PDZD2: variants seen among roughly 807,000 people sequenced by gnomAD.
The protein encoded by PDZD2 is PDZ domain-containing protein 2.
PDZD2 carries 90 observed loss-of-function variants against 220.7 expected under a neutral mutation model. The observed-to-expected ratio is 0.41, with a 90% CI of 0.34 to 0.49. PDZD2 has a LOEUF of 0.49. Ranked by LOEUF, PDZD2 falls within the 20% of genes least tolerant of loss-of-function variation. The pLI, the probability that PDZD2 is intolerant of heterozygous loss-of-function variation, is 0.28. For missense variants in PDZD2, 3,174 were observed against 3,608.5 expected, an observed-to-expected ratio of 0.88 and a Z score of 3.08; for synonymous variants, 1,375 against 1,450.5, an observed-to-expected ratio of 0.95 and a Z score of 1.18.
intron 18 of PDZD2, among the ~76,000 whole-genome samples, chr5:32,075,092 G>T (rs376094221): frequency 5.3e-5 from 8 of 152,160 alleles, no homozygotes; most frequent in African/African-American, 1.7e-4. Flanking sequence ...GATTACAAGC[G>T]TGAGCCACCG....
chr5:31,772,478 G>A lies in PDZD2; in HGVS notation c.-360-26411G>A, dbSNP rs146409723. ...GTGTGCTCTCGCCATTGCCCCATCC[G>A]CGAGTTGCACCCTTCTGTGGAAGTA... On this transcript the variant is annotated intron_variant, in intron 1 of 24. Coordinates refer to ENST00000438447, the MANE Select transcript of PDZD2 (RefSeq NM_178140.4). Among the ~76,000 whole-genome samples, 42 of 152,274 alleles carry A rather than the reference G, an allele frequency of 2.8e-4. No homozygotes were observed. In the East Asian group the frequency reaches 6.8e-3, roughly 25 times the overall value.
intron 6 of PDZD2, among the ~76,000 whole-genome samples, chr5:32,034,023 G>T (rs1167435250): frequency 3.9e-5 from 6 of 152,168 alleles, no homozygotes; most frequent in Non-Finnish European, 1.5e-5. Context: ...AAACCTTTCA[G>T]GCAGGCTCCT....
At chr5:31,936,110 G>A (rs977146463) in intron 2 of PDZD2, 1 of 987,750 alleles carries the variant, frequency 1.0e-6, no homozygotes, top group Non-Finnish European at 1.2e-6. Flanking sequence ...AGCTCAGGAG[G>A]TGAAGCCGGG....
intron 1 of PDZD2, among the ~76,000 whole-genome samples, chr5:31,735,554 T>C (rs945426742): frequency 8.6e-5 from 13 of 152,004 alleles, no homozygotes; most frequent in African/African-American, 2.9e-4. Flanking sequence ...ATCCCAGCAC[T>C]TTGGGAGGCC....
chr5:31,704,721 T>A (rs917972858), intron 1 of PDZD2, among the ~76,000 whole-genome samples: 2 of 152,184 alleles, frequency 1.3e-5, no homozygotes, highest in Non-Finnish European at 2.9e-5. Flanking sequence ...CAAATTCCCT[T>A]TTACATGCAG....
intron 1 of PDZD2, among the ~76,000 whole-genome samples, chr5:31,666,117 T>A (rs918332599): frequency 2.0e-5 from 3 of 152,138 alleles, no homozygotes; most frequent in African/African-American, 7.2e-5. Context: ...GAATAAATGG[T>A]ACAAATTTTC....
intron 6 of PDZD2, among the ~76,000 whole-genome samples, chr5:32,033,404 C>T (rs1360579683): frequency 1.3e-5 from 2 of 152,200 alleles, no homozygotes; most frequent in Non-Finnish European, 2.9e-5. Context: ...TCTAATATCA[C>T]AACAAACTCA....
At chr5:31,872,526 A>C (rs969645271) in intron 2 of PDZD2, among the ~76,000 whole-genome samples, 2 of 132,596 alleles carry the variant, frequency 1.5e-5, no homozygotes, top group Non-Finnish European at 3.6e-5. Flanking sequence ...CTTTCCTTGA[A>C]AACAAACACA....
rs574045050 is a variant in PDZD2 at position 31,870,269 on chromosome 5, T to G, written c.476+70545T>G. Among the ~76,000 whole-genome samples the G allele has an allele frequency of 4.9e-4, 74 of 152,254 alleles. No individual in the cohort carries two copies. The South Asian group carries it at 0.015, about 32-fold the overall frequency. On this transcript the variant is annotated intron_variant, in intron 2 of 24. Coordinates refer to ENST00000438447, the MANE Select transcript of PDZD2 (RefSeq NM_178140.4). ...TTACCACATATGCCCACATATAAGG[T>G]GTAGAGTCCACCCCGGCCCCTGCAA...
chr5:31,655,617 A>G (rs1308579321), intron 1 of PDZD2, among the ~76,000 whole-genome samples: 2 of 152,082 alleles, frequency 1.3e-5, no homozygotes, highest in Non-Finnish European at 2.9e-5. Flanking sequence ...CAACACTTAG[A>G]ACAATACTTG....
At position 32,072,243 on chromosome 5, in the gene PDZD2, G is replaced by C; in HGVS notation, c.2651G>C (p.Gly884Ala). The change falls in exon 17 of 25, where the codon GGT (glycine) becomes GCT (alanine). Residue 884 changes from glycine to alanine, a missense_variant. Gly to Ala is a moderately conservative substitution (Grantham distance 60). Coordinates refer to ENST00000438447, the MANE Select transcript of PDZD2 (RefSeq NM_178140.4). Reference protein sequence around the residue: ...PGPLSDFMVAGSEDEDHPGSG... With the variant: ...PGPLSDFMVAASEDEDHPGSG... ...CCCTTGTCAGACTTCATGGTGGCCG[G>C]TTCTGAGGACGAGGATCACCCGGGA... 1.9e-6 allele frequency: 3 copies of C among 1,614,090 alleles called. No homozygotes were observed. The highest frequency in any genetic ancestry group is 2.5e-6 in the Non-Finnish European group (3 of 1,179,924).
chr5:32,036,548 G>A (rs1581338309), intron 6 of PDZD2, among the ~76,000 whole-genome samples: 1 of 152,126 alleles, frequency 6.6e-6, no homozygotes, highest in Admixed American at 6.5e-5. Context: ...GACCCAGTGA[G>A]CCTTGGGATC....
At chr5:32,069,828 T>C (rs955182468) in intron 15 of PDZD2, among the ~76,000 whole-genome samples, 178 bp downstream of exon 15, 6 of 152,242 alleles carry the variant, frequency 3.9e-5, no homozygotes, top group African/African-American at 1.4e-4. Context: ...TGCAGTTATT[T>C]AATGTGCTTC....
chr5:31,964,755 G>A (rs578214618), intron 2 of PDZD2, among the ~76,000 whole-genome samples: 1 of 151,934 alleles, frequency 6.6e-6, no homozygotes. Context: ...TCGCTCTGTC[G>A]CCCAGGCTGG....
chr5:31,676,689 G>A (rs1317736327), intron 1 of PDZD2, among the ~76,000 whole-genome samples: 3 of 151,410 alleles, frequency 2.0e-5, no homozygotes, highest in Admixed American at 6.6e-5. Context: ...CGAGTAGCTG[G>A]GATTACAGGC....
In PDZD2 at chr5:32,058,099, C is replaced by T; in HGVS notation, c.2196C>T (p.Asn732=). 6.7e-7 allele frequency: 1 copy of T among 1,486,902 alleles called. No individual in the cohort carries two copies. The highest frequency in any genetic ancestry group is 9.4e-7 in the Non-Finnish European group (1 of 1,063,618). 92.1% of individuals were successfully genotyped at this position (1,486,902 alleles called of 1,614,324 possible). ...KDRIVMEVTL[N]KEPRVGLGIG... Reference sequence around the variant, plus strand: ...GGATCGTCATGGAAGTAACACTCAACAAAGGTGATAGCAGCTATTCCTTAC... The same window carrying T: ...GGATCGTCATGGAAGTAACACTCAATAAAGGTGATAGCAGCTATTCCTTAC... The change falls in exon 12 of 25, where the codon AAC becomes AAT. Residue 732 remains asparagine (N), a synonymous_variant. Coordinates refer to ENST00000438447, the MANE Select transcript of PDZD2 (RefSeq NM_178140.4).
At chr5:31,870,469 A>C (rs1243376203) in intron 2 of PDZD2, among the ~76,000 whole-genome samples, 5 of 152,214 alleles carry the variant, frequency 3.3e-5, no homozygotes, top group Non-Finnish European at 1.5e-5. Flanking sequence ...TCAGCTAAGG[A>C]AATCATATTT....
chr5:31,669,821 C>T (rs769457788), intron 1 of PDZD2, among the ~76,000 whole-genome samples: 21 of 151,848 alleles, frequency 1.4e-4, no homozygotes, highest in Admixed American at 3.3e-4. Context: ...ATCTATCACC[C>T]GAAGAAACAT....
rs746380398 is a variant in PDZD2, at chr5:32,074,329, A to G, written c.3223A>G (p.Lys1075Glu). 6.2e-7 allele frequency: 1 copy of G among 1,614,226 alleles called. No homozygotes were observed. Among genetic ancestry groups the G allele is most frequent in the Non-Finnish European group, 8.5e-7 (1 of 1,180,052 alleles). ...CAAGGGGAGCCCTGGAAGCTGGTGG[A>G]AGAAGGAACTGTCAGGATCAAGTAG... ...APKGSPGSWW[K>E]KELSGSSSAP... Residue 1075 changes from lysine (K) to glutamate (E), a missense_variant, in exon 18 of 25, where the codon AAG becomes GAG. By Grantham distance (56) the Lys-to-Glu change is moderately conservative. Around this residue, in one of 4 missense-constraint regions of PDZD2, gnomAD observed 1,861 missense variants for 2,001.0 expected, o/e 0.93. Coordinates refer to ENST00000438447, the MANE Select transcript of PDZD2 (RefSeq NM_178140.4).
Sources: gnomAD v4.1 joint callset for allele counts (sites outside exome capture counted in the v4.1 genomes callset) on GRCh38, gnomAD v4.1.1 for gene constraint, gnomAD v4.1.1 regional missense constraint, MANE v1.5 for transcripts, NCBI Gene and HGNC (gene_info 2026-07-23, HGNC 2026-07-21) for gene names.